The following SPAG17 variants were observed in gnomAD, a reference collection of about 807,000 sequenced individuals.
SPAG17 encodes the protein sperm-associated antigen 17.
A neutral mutation model predicts 273.6 loss-of-function variants in SPAG17; 169 were observed. The ratio of observed to expected loss-of-function variants is 0.62; its 90% CI spans 0.55 to 0.70. The LOEUF (loss-of-function observed/expected upper bound fraction) is 0.70, where lower values mean the gene tolerates loss of function less well. Among genes scored for constraint, SPAG17 ranks in the 30% least tolerant of loss-of-function variants. SPAG17 has a pLI of 0.00. For synonymous variants in SPAG17, 825 were observed against 873.2 expected (o/e 0.94, Z 0.97); for missense variants, 2,557 against 2,627.8 (o/e 0.97, Z 0.59).
At chr1:118,173,157 G>A (rs539724122) in intron 1 of SPAG17, among the ~76,000 whole-genome samples, 6 of 151,526 alleles carry the variant, frequency 4.0e-5, no homozygotes, top group African/African-American at 1.2e-4. Flanking sequence ...AGAGACTAAC[G>A]TAGCAGTATA....
chr1:118,055,687 A>G lies in SPAG17; in HGVS notation c.2722+46T>C, dbSNP rs765450670. ...CTTGATTAAATTAAGAGAGAGAAGAACGTTCTTGAATTTTATTCTACGTAT... is the reference window on the plus strand; with the variant it reads ...CTTGATTAAATTAAGAGAGAGAAGAGCGTTCTTGAATTTTATTCTACGTAT... On this transcript the variant is annotated intron_variant, in intron 19 of 48. Transcript: ENST00000336338. 1.3e-5 allele frequency: 18 copies of G among 1,405,542 alleles called. No homozygotes were observed. The South Asian group carries it at 2.2e-4, about 18-fold the overall frequency. The allele number at this position is 1,405,542 out of a possible 1,614,324, so 87.1% of individuals were successfully genotyped here.
chr1:118,056,673 G>A (rs1459647054), intron 18 of SPAG17, among the ~76,000 whole-genome samples: 1 of 152,128 alleles, frequency 6.6e-6, no homozygotes, highest in African/African-American at 2.4e-5. Context: ...GCAGCTTAAG[G>A]TTTTGAAAAA....
At chr1:118,158,948 C>A (rs948281109) in intron 1 of SPAG17, among the ~76,000 whole-genome samples, 1 of 152,184 alleles carries the variant, frequency 6.6e-6, no homozygotes, top group Non-Finnish European at 1.5e-5. Flanking sequence ...CAGAACAGAC[C>A]CCTAGACAAC....
At chr1:118,056,336 T>C (rs552462693) in intron 18 of SPAG17, among the ~76,000 whole-genome samples, 1 of 152,310 alleles carries the variant, frequency 6.6e-6, no homozygotes, top group African/African-American at 2.4e-5. Flanking sequence ...ATTAGGAACT[T>C]TTAAAATTGA....
chr1:118,028,543 T>A, intron 25 of SPAG17, 149 bp from the exon 26 acceptor site: 2 of 876,278 alleles, frequency 2.3e-6, no homozygotes, highest in Non-Finnish European at 3.3e-6. Context: ...TCTCTGTGGT[T>A]TTGCAATTTA....
intron 17 of SPAG17, among the ~76,000 whole-genome samples, chr1:118,070,702 ATAT>A (rs1337054659): frequency 3.4e-4 from 52 of 152,252 alleles, no homozygotes; most frequent in African/African-American, 1.3e-3. Flanking sequence ...TGTTAATGAT[ATAT>A]TATATTTAAC....
intron 43 of SPAG17, among the ~76,000 whole-genome samples, chr1:117,975,813 G>A (rs2101548622): frequency 6.6e-6 from 1 of 152,242 alleles, no homozygotes; most frequent in South Asian, 2.1e-4. Context: ...TATAGTTTTT[G>A]TTCATATCCT....
intron 30 of SPAG17, among the ~76,000 whole-genome samples, chr1:118,010,269 T>G (rs1263817573): frequency 6.6e-6 from 1 of 150,742 alleles, no homozygotes; most frequent in East Asian, 2.1e-4. Flanking sequence ...AGAACAAAGC[T>G]GGAGGCAACC....
intron 4 of SPAG17, among the ~76,000 whole-genome samples, chr1:118,114,822 A>G (rs1202229818): frequency 6.6e-6 from 1 of 152,208 alleles, no homozygotes; most frequent in East Asian, 1.9e-4. Context: ...TCAGATGTGC[A>G]ATATAGGAGT....
At chr1:118,181,261 T>G (rs1444167092) in intron 1 of SPAG17, among the ~76,000 whole-genome samples, 1 of 151,770 alleles carries the variant, frequency 6.6e-6, no homozygotes, top group Non-Finnish European at 1.5e-5. Flanking sequence ...AATAATAAAC[T>G]AGCAAAAGTA....
intron 26 of SPAG17, among the ~76,000 whole-genome samples, chr1:118,025,618 G>A (rs1228234249): frequency 1.3e-5 from 2 of 152,014 alleles, no homozygotes; most frequent in African/African-American, 2.4e-5. Flanking sequence ...AGCCTTCTGA[G>A]CAGCTGGGAC....
chr1:118,105,636 GA>G (rs1270574494), intron 4 of SPAG17, among the ~76,000 whole-genome samples: 2 of 152,134 alleles, frequency 1.3e-5, no homozygotes, highest in Non-Finnish European at 2.9e-5. Context: ...TGTGGTTGAA[GA>G]AATTATGTAG....
chr1:118,065,778 A>G (rs1652898844), intron 18 of SPAG17, among the ~76,000 whole-genome samples: 1 of 152,114 alleles, frequency 6.6e-6, no homozygotes, highest in South Asian at 2.1e-4. Context: ...ATAGCAAACT[A>G]GAAATAGTTT....
intron 3 of SPAG17, among the ~76,000 whole-genome samples, chr1:118,131,707 TC>T (rs567486433): frequency 2.1e-3 from 313 of 152,218 alleles, no homozygotes; most frequent in African/African-American, 7.3e-3. Context: ...CTATTGTGAG[TC>T]CCCCATGCTT....
rs1468057611 is a variant in SPAG17 at position 117,994,452 on chromosome 1, G to A, written c.5132C>T (p.Pro1711Leu). 5 of 1,612,946 alleles carry A rather than the reference G, an allele frequency of 3.1e-6. No individual in the cohort carries two copies. The highest frequency in any genetic ancestry group is 2.2e-5 in the East Asian group (1 of 44,844). Residue 1711 changes from proline to leucine, a missense_variant, in exon 35 of 49, where the codon CCT (proline) becomes CTT (leucine). Transcript: ENST00000336338. Reference protein sequence around the residue: ...WQVKKEDTIVPPNLRSRSWET... With the variant: ...WQVKKEDTIVLPNLRSRSWET... ...CCATGACCTTGACCGGAGATTAGGAGGGACAATTGTATCTTCCTTTTTTAC... is the reference window on the plus strand; with the variant it reads ...CCATGACCTTGACCGGAGATTAGGAAGGACAATTGTATCTTCCTTTTTTAC...
Position 118,041,976 on chromosome 1 carries a change from T to A in SPAG17, c.2881A>T (p.Lys961Ter). The change falls in exon 21 of 49, where the codon AAG (lysine) becomes TAG (stop). Residue 961 changes from lysine (K) to a stop codon, truncating the protein, a stop_gained. Transcript: ENST00000336338. LOFTEE classifies it high-confidence loss of function. ...TTTTTACCAGCTTCTTTACCCTTCT[T>A]CTCTGCTTTCTTTTCTTCCCTTAAG... ...ERLREEKKAE[K>*]KGKEAGKKKG... 1 of 1,614,026 alleles carries A rather than the reference T, an allele frequency of 6.2e-7. No homozygotes were observed. Among genetic ancestry groups the A allele is most frequent in the South Asian group, 1.1e-5 (1 of 91,076 alleles).
chr1:118,149,293 C>G (rs1659243344), intron 3 of SPAG17, among the ~76,000 whole-genome samples: 1 of 152,148 alleles, frequency 6.6e-6, no homozygotes, highest in Admixed American at 6.6e-5. Flanking sequence ...TATCCCACAT[C>G]CAAGTCAGAA....
chr1:118,023,329 T>G lies in SPAG17; in HGVS notation c.4044A>C (p.Pro1348=), dbSNP rs780030046. 1 of 1,611,730 alleles carries G rather than the reference T, an allele frequency of 6.2e-7. No individual in the cohort carries two copies. Among genetic ancestry groups the G allele is most frequent in the Admixed American group, 1.7e-5 (1 of 59,834 alleles). ...CTTTCTTTGTGTTGGTAATCTCAGA[T>G]GGTATCGTTTCTGATTTCTGCTGAG... ...SISQQKSETI[P]SEITNTKKGK... is the part of the protein sequence containing the mutation. Residue 1348 remains proline (P), a synonymous_variant, in exon 28 of 49, where the codon CCA becomes CCC. Transcript: ENST00000336338.
chr1:117,972,714 T>TTA (rs1016853706), intron 44 of SPAG17, among the ~76,000 whole-genome samples: 157 of 152,014 alleles, frequency 1.0e-3, no homozygotes, highest in African/African-American at 3.2e-3. Flanking sequence ...ATATTGTCAG[T>TTA]TATATATATA....
Sources: allele counts gnomAD v4.1 joint callset (sites outside exome capture counted in the v4.1 genomes callset), GRCh38; gene constraint gnomAD v4.1.1; transcripts MANE v1.5; gene names NCBI Gene and HGNC (gene_info 2026-07-23, HGNC 2026-07-21).